Variants in OXCT1 observed in about 807,000 individuals in gnomAD.
OXCT1 encodes 3-oxoacid CoA-transferase 1.
Under a neutral mutation model 69.6 loss-of-function variants are expected in OXCT1, and 27 were observed. The observed-to-expected ratio is 0.39, with a 90% CI of 0.29 to 0.54. The LOEUF (loss-of-function observed/expected upper bound fraction) is 0.54. Among genes scored for constraint, OXCT1 ranks in the 20% least tolerant of loss-of-function variants. The pLI is 0.72. For missense variants in OXCT1, 437 were observed against 650.2 expected, an observed-to-expected ratio of 0.67 and a Z score of 3.57; for synonymous variants, 202 against 217.8, an observed-to-expected ratio of 0.93 and a Z score of 0.64.
chr5:41,860,298 A>G (rs1749674906), intron 3 of OXCT1, among the ~76,000 whole-genome samples: 1 of 152,096 alleles, frequency 6.6e-6, no homozygotes, highest in African/African-American at 2.4e-5. Context: ...AATAAAGGAG[A>G]TTGGTAATGT....
chr5:41,773,631 CA>C (rs528945480), intron 13 of OXCT1, among the ~76,000 whole-genome samples: 8 of 139,058 alleles, frequency 5.8e-5, no homozygotes, highest in East Asian at 4.2e-4. Flanking sequence ...ACCCCTCTGC[CA>C]AAAAAAAATG....
intron 13 of OXCT1, among the ~76,000 whole-genome samples, chr5:41,777,821 G>T (rs1308980618): frequency 6.6e-6 from 1 of 152,204 alleles, no homozygotes; most frequent in Non-Finnish European, 1.5e-5. Context: ...ATTGTAAGCA[G>T]AAGTTACATT....
At chr5:41,826,099 G>A (rs181123621) in intron 7 of OXCT1, among the ~76,000 whole-genome samples, 8 of 152,314 alleles carry the variant, frequency 5.3e-5, no homozygotes, top group African/African-American at 1.9e-4. Flanking sequence ...TTGCTCTCGT[G>A]AAGGTGTCCA....
chr5:41,747,947 G>C (rs1293598192), intron 15 of OXCT1, among the ~76,000 whole-genome samples: 1 of 151,878 alleles, frequency 6.6e-6, no homozygotes, highest in Admixed American at 6.6e-5. Context: ...TACTCTGACT[G>C]CTGGAAAGGC....
intron 11 of OXCT1, among the ~76,000 whole-genome samples, chr5:41,796,207 T>C (rs1474487451): frequency 1.3e-5 from 2 of 152,152 alleles, no homozygotes; most frequent in African/African-American, 2.4e-5. Context: ...ATAGAACTAA[T>C]AAAATCACCT....
intron 14 of OXCT1, among the ~76,000 whole-genome samples, chr5:41,754,903 G>C (rs946401430): frequency 6.6e-6 from 1 of 151,976 alleles, no homozygotes; most frequent in Non-Finnish European, 1.5e-5. Flanking sequence ...CCTGAAAAAC[G>C]GTCTTCAGGG....
intron 15 of OXCT1, among the ~76,000 whole-genome samples, chr5:41,741,458 A>G (rs888685324): frequency 1.3e-5 from 2 of 152,200 alleles, no homozygotes; most frequent in Non-Finnish European, 2.9e-5. Flanking sequence ...TATAATAAAA[A>G]TGTACTTCCC....
At chr5:41,859,977 A>G (rs1475886333) in intron 3 of OXCT1, among the ~76,000 whole-genome samples, 1 of 150,384 alleles carries the variant, frequency 6.6e-6, no homozygotes, top group African/African-American at 2.4e-5. Flanking sequence ...AGCCTTTGTC[A>G]TAACAGCATC....
At chr5:41,829,967 T>C (rs1286980152) in intron 7 of OXCT1, among the ~76,000 whole-genome samples, 9 of 152,214 alleles carry the variant, frequency 5.9e-5, no homozygotes, top group Admixed American at 5.9e-4. Context: ...GAAACAAGTA[T>C]GATCAGTCAG....
intron 14 of OXCT1, among the ~76,000 whole-genome samples, chr5:41,751,101 A>G (rs896863921): frequency 6.6e-6 from 1 of 152,118 alleles, no homozygotes; most frequent in Non-Finnish European, 1.5e-5. Flanking sequence ...AAAATTTCAA[A>G]TTCTGCACGA....
At chr5:41,747,771 AAAAGGTACATACTGTG>A (rs1246787518) in intron 15 of OXCT1, among the ~76,000 whole-genome samples, 1 of 152,046 alleles carries the variant, frequency 6.6e-6, no homozygotes, top group African/African-American at 2.4e-5. Context: ...GCTAAAGGAG[AAAAGGTACATACTGTG>A]AAATGCTTCA....
chr5:41,823,913 T>C (rs1450141232), intron 7 of OXCT1, among the ~76,000 whole-genome samples: 1 of 152,208 alleles, frequency 6.6e-6, no homozygotes, highest in Non-Finnish European at 1.5e-5. Context: ...TTAACATTAC[T>C]GAACAATTCT....
intron 9 of OXCT1, among the ~76,000 whole-genome samples, chr5:41,804,746 A>T (rs935305232): frequency 6.6e-6 from 1 of 152,106 alleles, no homozygotes; most frequent in Non-Finnish European, 1.5e-5. Context: ...AAGTTCTCCC[A>T]GTCAAGATCA....
intron 7 of OXCT1, among the ~76,000 whole-genome samples, chr5:41,825,488 T>A (rs537606062): frequency 1.4e-4 from 22 of 152,320 alleles, no homozygotes; most frequent in African/African-American, 4.1e-4. Context: ...GATATTTTCA[T>A]AATTCTATAA....
At chr5:41,795,945 A>T (rs1193668190) in intron 11 of OXCT1, among the ~76,000 whole-genome samples, 2 of 152,168 alleles carry the variant, frequency 1.3e-5, no homozygotes, top group African/African-American at 2.4e-5. Flanking sequence ...CCTTAATTTC[A>T]TTTGGCCTGA....
chr5:41,850,047 C>T lies in OXCT1; in HGVS notation c.547G>A (p.Ala183Thr), dbSNP rs371323699. 1.1e-5 allele frequency: 18 copies of T among 1,613,892 alleles called. No individual in the cohort carries two copies. The highest frequency in any genetic ancestry group is 1.4e-5 in the Non-Finnish European group (17 of 1,179,872). The change falls in exon 5 of 17, where the codon GCC becomes ACC. Residue 183 changes from alanine to threonine, a missense_variant. By Grantham distance (58) the Ala-to-Thr change is moderately conservative (BLOSUM62 0). This residue lies in a region of OXCT1 where 252 missense variants were observed against 397.4 expected (regional missense o/e 0.63). Coordinates refer to ENST00000196371, the MANE Select transcript of OXCT1 (RefSeq NM_000436.4). ...TTTCTTACCTCTCTTGGCTTACTGG[C>T]AATGGCAACACTGCCATCTTTGTTG... ...KYNKDGSVAI[A>T]SKPREVREFN...
At chr5:41,733,435 CGG>C (rs1387053205) in intron 16 of OXCT1, among the ~76,000 whole-genome samples, 1 of 151,870 alleles carries the variant, frequency 6.6e-6, no homozygotes, top group East Asian at 1.9e-4. Flanking sequence ...TTAGTAGAGA[CGG>C]GGTTTCTCCA....
intron 16 of OXCT1, 42 bp downstream of exon 16, chr5:41,739,348 A>G (rs1196724379): frequency 8.0e-7 from 1 of 1,251,830 alleles, no homozygotes; most frequent in East Asian, 2.3e-5. Context: ...TCAAGCCTAT[A>G]ATATAAGACA....
chr5:41,736,805 G>T lies in OXCT1; in HGVS notation c.1521+2585C>A, dbSNP rs6869616. ...ATCATTCCCTTCTAGAATGTTGACT[G>T]CCAGTTGAAGGCTGAGTTCTAGGGA... is the stretch of plus-strand genomic sequence containing the variant. On this transcript the variant is annotated intron_variant, in intron 16 of 16. Coordinates refer to ENST00000196371, the MANE Select transcript of OXCT1 (RefSeq NM_000436.4). 9.4e-3 allele frequency among the ~76,000 whole-genome samples: 1,425 copies of T among 152,236 alleles called. 22 individuals are homozygous for T. The highest frequency in any genetic ancestry group is 0.03 in the African/African-American group (1,230 of 41,512).
Sources: gnomAD v4.1 joint callset for allele counts (sites outside exome capture counted in the v4.1 genomes callset) on GRCh38, gnomAD v4.1.1 for gene constraint, gnomAD v4.1.1 regional missense constraint, MANE v1.5 for transcripts, NCBI Gene and HGNC (gene_info 2026-07-23, HGNC 2026-07-21) for gene names.